The following PTPRK variants were observed in gnomAD, a reference collection of about 807,000 sequenced individuals.
PTPRK encodes the protein receptor-type tyrosine-protein phosphatase kappa.
PTPRK carries 75 observed loss-of-function variants against 178.0 expected under a neutral mutation model. The ratio of observed to expected loss-of-function variants is 0.42; its 90% CI spans 0.35 to 0.51. The LOEUF (loss-of-function observed/expected upper bound fraction) is 0.51. Ranked by LOEUF, PTPRK falls within the 20% of genes least tolerant of loss-of-function variation. PTPRK has a pLI of 0.02. For synonymous variants in PTPRK, 637 were observed against 620.6 expected (o/e 1.03, Z -0.39); for missense variants, 1,441 against 1,797.8 (o/e 0.80, Z 3.59).
At chr6:128,148,923 C>T (rs989001723) in intron 7 of PTPRK, among the ~76,000 whole-genome samples, 7 of 151,956 alleles carry the variant, frequency 4.6e-5, no homozygotes, top group Non-Finnish European at 7.4e-5. Flanking sequence ...CATATTATGC[C>T]TTTCCAGGAA....
chr6:127,978,445 G>A (rs1774869108), intron 25 of PTPRK, among the ~76,000 whole-genome samples: 1 of 152,126 alleles, frequency 6.6e-6, no homozygotes, highest in Admixed American at 6.5e-5. Context: ...ATGAGAAGAA[G>A]GACGGGTTTG....
chr6:128,520,426 G>A lies in PTPRK; in HGVS notation c.-68C>T, dbSNP rs1430352004. The A allele has an allele frequency of 1.4e-6, 2 of 1,475,142 alleles. No homozygotes were observed. Among genetic ancestry groups the A allele is most frequent in the Non-Finnish European group, 1.9e-6 (2 of 1,077,964 alleles). The allele number at this position is 1,475,142 out of a possible 1,614,324, so 91.4% of individuals were successfully genotyped here. A position where few individuals can be genotyped will look rare whatever the true frequency, so the allele number is the denominator to read the frequency against. ...CCGGGGGGATCGCCGCGAAATCCAC[G>A]ACGGAGGAGCGGGCCGGGCCTCGCG... On this transcript the variant is annotated 5_prime_UTR_variant, in exon 1 of 30. Transcript: ENST00000368226.
At chr6:128,431,685 C>T (rs2128394254) in intron 1 of PTPRK, among the ~76,000 whole-genome samples, 1 of 152,258 alleles carries the variant, frequency 6.6e-6, no homozygotes, top group South Asian at 2.1e-4. Flanking sequence ...GTTTTTCTTT[C>T]TTCCTTTCTT....
intron 2 of PTPRK, among the ~76,000 whole-genome samples, chr6:128,328,214 C>T (rs1829822933): frequency 6.6e-6 from 1 of 152,168 alleles, no homozygotes; most frequent in Non-Finnish European, 1.5e-5. Flanking sequence ...TAACACTGTG[C>T]CAGCTGTAAA....
intron 1 of PTPRK, among the ~76,000 whole-genome samples, chr6:128,435,544 C>T (rs1845478566): frequency 6.6e-6 from 1 of 152,086 alleles, no homozygotes; most frequent in Non-Finnish European, 1.5e-5. Context: ...TGGGCAAAGA[C>T]CAAGAGTCGC....
chr6:128,202,091 G>A (rs1806064144), intron 6 of PTPRK, among the ~76,000 whole-genome samples: 1 of 152,184 alleles, frequency 6.6e-6, no homozygotes, highest in Non-Finnish European at 1.5e-5. Context: ...TGGCACTTAA[G>A]GAGAGGAACG....
intron 1 of PTPRK, among the ~76,000 whole-genome samples, chr6:128,418,201 C>T (rs893687396): frequency 1.3e-5 from 2 of 152,190 alleles, no homozygotes; most frequent in African/African-American, 4.8e-5. Context: ...ACCATCCCCA[C>T]CCTCGCACTC....
chr6:128,369,196 C>A (rs575438835), intron 2 of PTPRK, among the ~76,000 whole-genome samples: 1 of 141,878 alleles, frequency 7.0e-6, no homozygotes, highest in South Asian at 2.2e-4. Flanking sequence ...AATCATTTCC[C>A]ACTTCTATAT....
rs532852314 is a variant in PTPRK, at chr6:127,985,871, C to T, written c.3101G>A (p.Gly1034Glu). The T allele has an allele frequency of 6.2e-6, 10 of 1,608,700 alleles. No homozygotes were observed. The highest frequency in any genetic ancestry group is 7.7e-6 in the Non-Finnish European group (9 of 1,175,980). Reference protein sequence around the residue: ...VVRTFTLERRGYNEIREVKQF... With the variant: ...VVRTFTLERREYNEIREVKQF... Reference sequence around the variant, plus strand: ...TTTAACTTCACGGATTTCATTGTACCCCCTCTGTGCAAAGATGGAAAGAAA... The same window carrying T: ...TTTAACTTCACGGATTTCATTGTACTCCCTCTGTGCAAAGATGGAAAGAAA... Residue 1034 changes from glycine to glutamate, a missense_variant, in exon 22 of 30, where the codon GGG becomes GAG. By Grantham distance (98) the Gly-to-Glu change is moderately conservative. Transcript: ENST00000368226.
At chr6:128,229,120 A>G (rs1002385292) in intron 5 of PTPRK, among the ~76,000 whole-genome samples, 1 of 149,476 alleles carries the variant, frequency 6.7e-6, no homozygotes, top group Non-Finnish European at 1.5e-5. Flanking sequence ...CAGGTGGGCT[A>G]ATATTGAATA....
chr6:127,977,120 GATACA>G (rs1774695080), intron 25 of PTPRK, 66 bp from the exon 26 acceptor site: 1 of 1,491,550 alleles, frequency 6.7e-7, no homozygotes, highest in Admixed American at 1.7e-5. Flanking sequence ...TGTACAAACA[GATACA>G]ATACACTTCA....
At chr6:128,176,701 A>T (rs1254904549) in intron 7 of PTPRK, among the ~76,000 whole-genome samples, 2 of 151,758 alleles carry the variant, frequency 1.3e-5, no homozygotes, top group East Asian at 3.9e-4. Context: ...AAGAAGATTG[A>T]AGAGTTATCC....
At chr6:128,092,805 C>T (rs1787215242) in intron 7 of PTPRK, among the ~76,000 whole-genome samples, 1 of 152,094 alleles carries the variant, frequency 6.6e-6, no homozygotes, top group South Asian at 2.1e-4. Flanking sequence ...TCCATTATTT[C>T]TCATACCTAA....
rs573882930 is a variant in PTPRK at position 128,359,128 on chromosome 6, A to T, written c.224-36818T>A. On this transcript the variant is annotated intron_variant, in intron 2 of 29. Coordinates refer to ENST00000368226, the MANE Select transcript of PTPRK (RefSeq NM_002844.4). ...TAGCATAGGATCTCACTGGAGGGCA[A>T]CCATACAACCCAGTGGTTGACTGTT... Among the ~76,000 whole-genome samples the T allele has an allele frequency of 2.0e-5, 3 of 152,320 alleles. No homozygotes were observed. The South Asian group carries it at 6.2e-4, about 32-fold the overall frequency.
intron 1 of PTPRK, among the ~76,000 whole-genome samples, chr6:128,446,285 C>T (rs767928079): frequency 4.5e-4 from 69 of 152,084 alleles, no homozygotes; most frequent in Non-Finnish European, 7.5e-4. Context: ...ATAGAAGCCA[C>T]GGGGGAAGTA....
chr6:128,385,195 C>T (rs1163821925), intron 2 of PTPRK, among the ~76,000 whole-genome samples: 1 of 151,482 alleles, frequency 6.6e-6, no homozygotes, highest in African/African-American at 2.4e-5. Flanking sequence ...ACTTCTGATT[C>T]TTCCTTGCAT....
rs577481159 is a variant in PTPRK at position 128,098,844 on chromosome 6, C to T, written c.1163-8852G>A. Among the ~76,000 whole-genome samples the T allele has an allele frequency of 7.9e-5, 12 of 151,932 alleles. No individual in the cohort carries two copies. The East Asian group carries it at 1.2e-3, about 15-fold the overall frequency. On this transcript the variant is annotated intron_variant, in intron 7 of 29. Transcript: ENST00000368226. ...AAGTGCTTAAATGTCCCAGATACCA[C>T]GGTAGTATGGTATATGCCTTAAAAC...
intron 5 of PTPRK, among the ~76,000 whole-genome samples, chr6:128,228,128 A>C (rs552882229): frequency 4.3e-4 from 66 of 152,096 alleles, no homozygotes; most frequent in African/African-American, 1.6e-3. Flanking sequence ...TAAAAAAAAA[A>C]AGAAAGAAAG....
chr6:128,126,575 T>C (rs1043211009), intron 7 of PTPRK, among the ~76,000 whole-genome samples: 1 of 152,092 alleles, frequency 6.6e-6, no homozygotes, highest in Non-Finnish European at 1.5e-5. Context: ...CAGCCTCAAC[T>C]GCCCGGGTGC....
Sources: gnomAD v4.1 joint callset for allele counts (sites outside exome capture counted in the v4.1 genomes callset) on GRCh38, gnomAD v4.1.1 for gene constraint, MANE v1.5 for transcripts, NCBI Gene and HGNC (gene_info 2026-07-23, HGNC 2026-07-21) for gene names.